The following LYPLAL1 variants were observed in gnomAD, a reference collection of about 807,000 sequenced individuals.
LYPLAL1 encodes lysophospholipase like 1.
In LYPLAL1, 23 loss-of-function variants were observed where a neutral mutation model predicts 19.7. The observed-to-expected ratio is 1.17, with a 90% CI of 0.84 to 1.65. The LOEUF (loss-of-function observed/expected upper bound fraction) is 1.65, where lower values mean the gene tolerates loss of function less well. Among genes scored for constraint, LYPLAL1 ranks in the 40% most tolerant of loss-of-function variants. LYPLAL1 has a pLI of 0.00. For synonymous variants in LYPLAL1, 119 were observed against 96.3 expected, an observed-to-expected ratio of 1.24 and a Z score of -1.38; for missense variants, 355 against 279.4, an observed-to-expected ratio of 1.27 and a Z score of -1.93.
the LYPLAL1 span, among the ~76,000 whole-genome samples, chr1:219,304,960 G>A: frequency 6.6e-6 from 1 of 152,186 alleles, no homozygotes; most frequent in Non-Finnish European, 1.5e-5. Flanking sequence ...TGTTCCTAAA[G>A]GAGAAACATT....
At chr1:219,190,480 CAA>C (rs1443130351) in intron 2 of LYPLAL1, among the ~76,000 whole-genome samples, 2 of 150,874 alleles carry the variant, frequency 1.3e-5, no homozygotes, top group African/African-American at 4.9e-5. Context: ...AAAATGAAAA[CAA>C]AAGTCTTAAA....
At chr1:219,415,454 A>G in the LYPLAL1 span, among the ~76,000 whole-genome samples, 1 of 152,230 alleles carries the variant, frequency 6.6e-6, no homozygotes. Flanking sequence ...AAATATCATC[A>G]ATCACCATCA....
At chr1:219,189,705 C>T (rs1265146207) in intron 2 of LYPLAL1, among the ~76,000 whole-genome samples, 1 of 151,394 alleles carries the variant, frequency 6.6e-6, no homozygotes, top group Non-Finnish European at 1.5e-5. Flanking sequence ...GGATAAAGAG[C>T]AATGAAGGAA....
At chr1:219,217,386 G>GTT (rs2125132592), downstream of LYPLAL1, among the ~76,000 whole-genome samples, 1 of 134,532 alleles carries the variant, frequency 7.4e-6, no homozygotes, top group African/African-American at 2.6e-5. Context: ...TTTGGTGTGT[G>GTT]TGTGTGTGTG....
the LYPLAL1 span, among the ~76,000 whole-genome samples, chr1:219,221,348 G>A: frequency 6.6e-6 from 1 of 152,106 alleles, no homozygotes; most frequent in African/African-American, 2.4e-5. Flanking sequence ...TATAGGTGGT[G>A]GAGAAGAAAA....
chr1:219,201,526 T>A (rs1240769237), intron 3 of LYPLAL1, among the ~76,000 whole-genome samples: 1 of 151,872 alleles, frequency 6.6e-6, no homozygotes, highest in African/African-American at 2.4e-5. Context: ...TTTTGGAAGA[T>A]ATGTTGACTT....
At chr1:219,435,585 G>T in the LYPLAL1 span, among the ~76,000 whole-genome samples, 1 of 152,082 alleles carries the variant, frequency 6.6e-6, no homozygotes, top group Non-Finnish European at 1.5e-5. Flanking sequence ...CCAGTACTTT[G>T]GGAGGCCGAG....
At chr1:219,394,215 A>G in the LYPLAL1 span, among the ~76,000 whole-genome samples, 1 of 152,194 alleles carries the variant, frequency 6.6e-6, no homozygotes, top group Non-Finnish European at 1.5e-5. Flanking sequence ...AAAGTTATTT[A>G]AAGGTGTTTT....
chr1:219,357,859 T>G, the LYPLAL1 span, among the ~76,000 whole-genome samples: 2 of 152,134 alleles, frequency 1.3e-5, no homozygotes, highest in African/African-American at 4.8e-5. Flanking sequence ...AGCAATAAAA[T>G]AAGTTAGCTA....
At chr1:219,412,823 C>A in the LYPLAL1 span, among the ~76,000 whole-genome samples, 5 of 152,194 alleles carry the variant, frequency 3.3e-5, no homozygotes, top group African/African-American at 7.2e-5. Flanking sequence ...AATGAAGTCT[C>A]CACGCTAAGA....
chr1:219,242,346 CA>C, the LYPLAL1 span, among the ~76,000 whole-genome samples: 1 of 152,148 alleles, frequency 6.6e-6, no homozygotes, highest in Non-Finnish European at 1.5e-5. Flanking sequence ...CATACTACCC[CA>C]TGTCCACCTC....
At chr1:219,385,552 A>G in the LYPLAL1 span, among the ~76,000 whole-genome samples, 1 of 152,136 alleles carries the variant, frequency 6.6e-6, no homozygotes, top group Non-Finnish European at 1.5e-5. Flanking sequence ...TTATGTCTAT[A>G]TTTGTTAAGA....
the LYPLAL1 span, among the ~76,000 whole-genome samples, chr1:219,328,247 A>G: frequency 2.6e-5 from 4 of 152,292 alleles, no homozygotes; most frequent in Non-Finnish European, 5.9e-5. Flanking sequence ...TTTCTCACTC[A>G]TGCACATCTC....
chr1:219,354,515 A>C, the LYPLAL1 span, among the ~76,000 whole-genome samples: 3 of 152,348 alleles, frequency 2.0e-5, no homozygotes, highest in African/African-American at 7.2e-5. Context: ...AATTTGATTA[A>C]AGCAGTAAGT....
the LYPLAL1 span, among the ~76,000 whole-genome samples, chr1:219,292,701 A>G: frequency 6.6e-6 from 1 of 152,216 alleles, no homozygotes; most frequent in African/African-American, 2.4e-5. Flanking sequence ...TGTACTACAT[A>G]CTGTGCACTA....
At chr1:219,317,677 T>G in the LYPLAL1 span, among the ~76,000 whole-genome samples, 1 of 152,158 alleles carries the variant, frequency 6.6e-6, no homozygotes, top group Non-Finnish European at 1.5e-5. Context: ...GTGGTATGAA[T>G]TCTTAGAAAG....
chr1:219,219,580 C>T, the LYPLAL1 span, among the ~76,000 whole-genome samples: 2 of 152,186 alleles, frequency 1.3e-5, no homozygotes, highest in Non-Finnish European at 2.9e-5. Flanking sequence ...GCAGGGGATG[C>T]CCAGGGGCAT....
At chr1:219,179,523 C>T (rs1656097811) in intron 2 of LYPLAL1, 1 of 280,924 alleles carries the variant, frequency 3.6e-6, no homozygotes, top group Non-Finnish European at 6.6e-6. Context: ...TCCTCTTGCC[C>T]TGCAGATTGC....
the LYPLAL1 span, among the ~76,000 whole-genome samples, chr1:219,287,101 GGT>G: frequency 6.6e-6 from 1 of 152,040 alleles, no homozygotes; most frequent in Non-Finnish European, 1.5e-5. Context: ...TATCGGTTTG[GGT>G]TTTTTAACTC....
Sources: allele counts gnomAD v4.1 joint callset (sites outside exome capture counted in the v4.1 genomes callset), GRCh38; gene constraint gnomAD v4.1.1; transcripts MANE v1.5; gene names NCBI Gene and HGNC (gene_info 2026-07-23, HGNC 2026-07-21).